Variants in LINGO2 observed in about 807,000 individuals in gnomAD.
LINGO2 encodes the protein leucine rich repeat and Ig domain containing 2, also known as leucine-rich repeat and immunoglobulin-like domain-containing nogo receptor-interacting protein 2.
LINGO2 carries 14 observed loss-of-function variants against 30.6 expected under a neutral mutation model. That is an observed-to-expected ratio of 0.46 (90% CI 0.30 to 0.72). LINGO2 has a LOEUF of 0.72. Among genes scored for constraint, LINGO2 ranks in the 30% least tolerant of loss-of-function variants. The pLI is 0.07. For missense variants in LINGO2, 729 were observed against 751.7 expected, an observed-to-expected ratio of 0.97 and a Z score of 0.35; for synonymous variants, 317 against 288.5, an observed-to-expected ratio of 1.10 and a Z score of -1.00.
chr9:28,240,275 C>G (rs1034123207), intron 4 of LINGO2, among the ~76,000 whole-genome samples: 3 of 151,958 alleles, frequency 2.0e-5, no homozygotes, highest in Non-Finnish European at 4.4e-5. Context: ...ATAGAAAAAA[C>G]AATCCTAAAA....
chr9:27,938,990 T>C, the LINGO2 span: 2 of 152,210 alleles, frequency 1.3e-5, no homozygotes, highest in South Asian at 2.1e-4. Context: ...TGAGGGCATG[T>C]ATTTAAGCTA....
At chr9:28,031,533 G>A (rs142252456) in intron 4 of LINGO2, among the ~76,000 whole-genome samples, 13 of 152,264 alleles carry the variant, frequency 8.5e-5, no homozygotes, top group African/African-American at 2.4e-4. Context: ...TGCTTTAGTA[G>A]GAATCTAGGA....
intron 2 of LINGO2, among the ~76,000 whole-genome samples, chr9:28,393,623 G>A (rs1301668025): frequency 6.6e-6 from 1 of 152,156 alleles, no homozygotes; most frequent in Non-Finnish European, 1.5e-5. Context: ...GGTAACAAGA[G>A]GTAGATAAAT....
At chr9:29,162,892 C>G in the LINGO2 span, among the ~76,000 whole-genome samples, 1 of 152,140 alleles carries the variant, frequency 6.6e-6, no homozygotes, top group Non-Finnish European at 1.5e-5. Flanking sequence ...GATTATTTCA[C>G]TGCACCTTGG....
intron 2 of LINGO2, among the ~76,000 whole-genome samples, chr9:28,390,815 C>T (rs1161591623): frequency 6.6e-6 from 1 of 152,132 alleles, no homozygotes; most frequent in Non-Finnish European, 1.5e-5. Flanking sequence ...TATCGTGATG[C>T]TCTTCTTATT....
intron 5 of LINGO2, among the ~76,000 whole-genome samples, chr9:27,992,887 C>G (rs1821469138): frequency 6.6e-6 from 1 of 152,088 alleles, no homozygotes; most frequent in Admixed American, 6.6e-5. Flanking sequence ...GACAGACTTT[C>G]TATACATAGA....
chr9:29,168,791 G>A, the LINGO2 span, among the ~76,000 whole-genome samples: 1 of 152,178 alleles, frequency 6.6e-6, no homozygotes, highest in Non-Finnish European at 1.5e-5. Flanking sequence ...GATTAGGAAG[G>A]AATAGCTGTG....
At chr9:28,301,363 TAAAAAAAAA>T (rs61526992) in intron 3 of LINGO2, among the ~76,000 whole-genome samples, 1 of 139,420 alleles carries the variant, frequency 7.2e-6, no homozygotes, top group Non-Finnish European at 1.6e-5. Flanking sequence ...CATGACAAGT[TAAAAAAAAA>T]AAAACAAAAA....
intron 2 of LINGO2, among the ~76,000 whole-genome samples, chr9:28,440,633 T>A (rs529952754): frequency 6.6e-6 from 1 of 152,280 alleles, no homozygotes; most frequent in South Asian, 2.1e-4. Flanking sequence ...CAAAAGTAAT[T>A]TACCTTTGGA....
chr9:28,392,940 C>G (rs1821896942), intron 2 of LINGO2, among the ~76,000 whole-genome samples: 1 of 152,022 alleles, frequency 6.6e-6, no homozygotes, highest in Non-Finnish European at 1.5e-5. Context: ...TAACACTATC[C>G]CCAAGGGTAA....
chr9:28,709,277 A>G, the LINGO2 span, among the ~76,000 whole-genome samples: 2 of 152,024 alleles, frequency 1.3e-5, no homozygotes, highest in African/African-American at 4.8e-5. Flanking sequence ...GCCTGACTGG[A>G]CATTCCTAAT....
At chr9:28,156,478 C>A (rs1170994946) in intron 4 of LINGO2, among the ~76,000 whole-genome samples, 1 of 152,174 alleles carries the variant, frequency 6.6e-6, no homozygotes, top group East Asian at 1.9e-4. Context: ...GATTTTTAAT[C>A]CCAGTTTTGC....
the LINGO2 span, among the ~76,000 whole-genome samples, chr9:29,065,429 C>G: frequency 6.6e-6 from 1 of 152,004 alleles, no homozygotes; most frequent in African/African-American, 2.4e-5. Context: ...TTTAAACCAT[C>G]TTGAGTTAAT....
At chr9:29,071,355 C>A in the LINGO2 span, among the ~76,000 whole-genome samples, 1 of 150,540 alleles carries the variant, frequency 6.6e-6, no homozygotes, top group Non-Finnish European at 1.5e-5. Context: ...CCATGCCTGG[C>A]AAAAGTCATT....
At chr9:28,702,991 C>T in the LINGO2 span, among the ~76,000 whole-genome samples, 52 of 151,634 alleles carry the variant, frequency 3.4e-4, no homozygotes, top group Non-Finnish European at 6.9e-4. Flanking sequence ...CTCTTTCATT[C>T]CTGACATAAG....
chr9:28,823,367 T>C, the LINGO2 span, among the ~76,000 whole-genome samples: 1 of 152,208 alleles, frequency 6.6e-6, no homozygotes, highest in African/African-American at 2.4e-5. Flanking sequence ...TTAAAAGGTT[T>C]TATAGGTCAA....
chr9:28,650,439 C>G (rs1828043183), intron 1 of LINGO2, among the ~76,000 whole-genome samples: 1 of 151,992 alleles, frequency 6.6e-6, no homozygotes, highest in African/African-American at 2.4e-5. Flanking sequence ...TCCTCCAGTG[C>G]TTATGGATGG....
At chr9:28,016,797 G>T (rs913243887) in intron 4 of LINGO2, among the ~76,000 whole-genome samples, 4 of 151,344 alleles carry the variant, frequency 2.6e-5, no homozygotes, top group Non-Finnish European at 5.9e-5. Flanking sequence ...ACGGAAAATA[G>T]TCCAAAAAAT....
At chr9:28,013,022 T>C (rs1345908026) in intron 4 of LINGO2, among the ~76,000 whole-genome samples, 1 of 151,976 alleles carries the variant, frequency 6.6e-6, no homozygotes, top group Non-Finnish European at 1.5e-5. Context: ...TCTCCAGTAA[T>C]ATTGATGTTG....
Sources: gnomAD v4.1 joint callset for allele counts (sites outside exome capture counted in the v4.1 genomes callset) on GRCh38, gnomAD v4.1.1 for gene constraint, MANE v1.5 for transcripts, NCBI Gene and HGNC (gene_info 2026-07-23, HGNC 2026-07-21) for gene names.